Variants in DIAPH2 observed in about 807,000 individuals in gnomAD.
DIAPH2 encodes the protein diaphanous related formin 2.
A neutral mutation model predicts 92.7 loss-of-function variants in DIAPH2; 35 were observed. That is an observed-to-expected ratio of 0.38 (90% CI 0.29 to 0.50). The LOEUF is 0.50. DIAPH2 is among the 20% of genes least tolerant of loss of function. The pLI is 0.94. For synonymous variants in DIAPH2, 301 were observed against 280.4 expected, an observed-to-expected ratio of 1.07 and a Z score of -0.73; for missense variants, 701 against 819.5, an observed-to-expected ratio of 0.86 and a Z score of 1.77.
chrX:97,346,553 G>T (rs1212298405), intron 23 of DIAPH2, among the ~76,000 whole-genome samples: 2 of 111,774 alleles, frequency 1.8e-5, no homozygotes, highest in Non-Finnish European at 3.8e-5. Flanking sequence ...TTAACAAGAG[G>T]AAAACTTATG....
At chrX:97,328,605 C>T (rs1000858193) in intron 23 of DIAPH2, among the ~76,000 whole-genome samples, 12 of 111,290 alleles carry the variant, frequency 1.1e-4, no homozygotes, top group Admixed American at 2.9e-4. Context: ...AGCTGAAATT[C>T]CTAAATCAGT....
At position 96,912,415 on chromosome X, in the gene DIAPH2, A is replaced by C. The variant is rs1305285452; in HGVS notation, c.662+13A>C. On this transcript the variant is annotated intron_variant, in intron 6 of 26. Coordinates refer to ENST00000324765, the MANE Select transcript of DIAPH2 (RefSeq NM_006729.5). ...TGGACAAAAAACAGTAAGAATAAAC[A>C]CTGAAATTAAAATCACCAAAGGGAA... 6 of 1,200,970 alleles carry C rather than the reference A, an allele frequency of 5.0e-6. No homozygotes were observed. The East Asian group carries it at 1.5e-4, about 30-fold the overall frequency.
At chrX:97,440,540 C>T (rs1246309852) in intron 26 of DIAPH2, among the ~76,000 whole-genome samples, 4 of 101,035 alleles carry the variant, frequency 4.0e-5, no homozygotes, top group Non-Finnish European at 5.9e-5. Flanking sequence ...TGCAGTGAGC[C>T]GAGATTGCAC....
chrX:97,028,787 A>T (rs1037077198), intron 17 of DIAPH2, among the ~76,000 whole-genome samples: 5 of 111,762 alleles, frequency 4.5e-5, no homozygotes, highest in African/African-American at 1.6e-4. Flanking sequence ...ACTTGTTTGA[A>T]TGTGTCTTTT....
intron 23 of DIAPH2, among the ~76,000 whole-genome samples, chrX:97,334,335 C>CGCCTGT (rs1323870800): frequency 9.2e-6 from 1 of 109,119 alleles, no homozygotes; most frequent in East Asian, 2.9e-4. Context: ...TGGTGGCGGG[C>CGCCTGT]GCCTGTAGTC....
chrX:97,398,221 T>C (rs1374648566), intron 25 of DIAPH2, among the ~76,000 whole-genome samples: 2 of 112,205 alleles, frequency 1.8e-5, no homozygotes, highest in Non-Finnish European at 3.8e-5. Context: ...ATTATGTTGT[T>C]AGGTCTTGTT....
intron 5 of DIAPH2, chrX:96,885,270 C>A (rs1312579557): frequency 2.3e-6 from 1 of 444,077 alleles, no homozygotes; most frequent in Non-Finnish European, 3.9e-6. Context: ...GTATTTGAAG[C>A]TCAGAGAGAG....
At chrX:96,801,586 A>G (rs751271516) in intron 4 of DIAPH2, among the ~76,000 whole-genome samples, 111 of 111,666 alleles carry the variant, frequency 9.9e-4, no homozygotes, top group African/African-American at 3.5e-3. Flanking sequence ...CTGTCTCACA[A>G]AACTTAGAGA....
At chrX:96,859,584 A>G (rs2065059997) in intron 4 of DIAPH2, among the ~76,000 whole-genome samples, 1 of 108,315 alleles carries the variant, frequency 9.2e-6, no homozygotes, top group Admixed American at 1.0e-4. Context: ...ATAAGTGGGA[A>G]TAGAAAGAAA....
At chrX:96,775,621 C>T (rs1487318000) in intron 4 of DIAPH2, among the ~76,000 whole-genome samples, 1 of 110,510 alleles carries the variant, frequency 9.0e-6, no homozygotes, top group Non-Finnish European at 1.9e-5. Context: ...TAATCATACC[C>T]GTAGGAAAAC....
intron 4 of DIAPH2, among the ~76,000 whole-genome samples, chrX:96,879,422 T>G (rs1373091767): frequency 9.0e-6 from 1 of 110,905 alleles, no homozygotes; most frequent in Non-Finnish European, 1.9e-5. Flanking sequence ...ACTTTGAGGA[T>G]TATATGAAAG....
intron 23 of DIAPH2, among the ~76,000 whole-genome samples, chrX:97,287,358 A>G (rs910905084): frequency 9.0e-6 from 1 of 111,192 alleles, no homozygotes; most frequent in African/African-American, 3.3e-5. Flanking sequence ...AATCTGTCTT[A>G]TACACACTTT....
At chrX:96,952,660 G>A (rs1908256) in intron 15 of DIAPH2, among the ~76,000 whole-genome samples, 46,173 of 109,413 alleles carry the variant, frequency 0.42, 7,689 homozygotes, top group East Asian at 0.68. Context: ...GCTTGAAACC[G>A]GAAAGCAGAG....
intron 23 of DIAPH2, among the ~76,000 whole-genome samples, chrX:97,293,997 T>G (rs2068621900): frequency 8.9e-6 from 1 of 112,455 alleles, no homozygotes; most frequent in African/African-American, 3.2e-5. Context: ...CTTCTATGTA[T>G]AGGGGAGATC....
At chrX:97,352,485 T>C (rs1488759764) in intron 24 of DIAPH2, among the ~76,000 whole-genome samples, 2 of 110,549 alleles carry the variant, frequency 1.8e-5, no homozygotes, top group Non-Finnish European at 3.8e-5. Context: ...GTACAATATA[T>C]TGGTATCAAG....
chrX:97,127,252 G>A, intron 21 of DIAPH2, among the ~76,000 whole-genome samples: 1 of 111,724 alleles, frequency 9.0e-6, no homozygotes, highest in Non-Finnish European at 1.9e-5. Context: ...CAGTATGAGG[G>A]ATCACTCCAG....
Position 97,369,882 on chromosome X carries a change from T to G in DIAPH2, c.3010-14027T>G, listed in dbSNP as rs745947404. On this transcript the variant is annotated intron_variant, in intron 24 of 26. Transcript: ENST00000324765. The stretch of plus-strand genomic sequence containing the variant: ...TCTCTCTGTTCACTAGGATTTTTAT[T>G]CCCTCCCATGTGACAGTCATTCTCA... Among the ~76,000 whole-genome samples the G allele has an allele frequency of 4.6e-4, 51 of 111,823 alleles. 1 individual carries two copies. Among genetic ancestry groups the G allele is most frequent in the Non-Finnish European group, 7.5e-5 (4 of 53,167 alleles).
At chrX:97,320,252 A>G (rs1309009091) in intron 23 of DIAPH2, among the ~76,000 whole-genome samples, 1 of 110,112 alleles carries the variant, frequency 9.1e-6, no homozygotes, top group African/African-American at 3.3e-5. Flanking sequence ...TTTGTGAAAC[A>G]TTCACAACAT....
chrX:96,995,772 G>A (rs897900033), intron 17 of DIAPH2, among the ~76,000 whole-genome samples: 1 of 107,828 alleles, frequency 9.3e-6, no homozygotes, highest in Non-Finnish European at 1.9e-5. Context: ...AGTGGCTGTA[G>A]GCTACTGTCT....
Sources: gnomAD v4.1 joint callset for allele counts (sites outside exome capture counted in the v4.1 genomes callset) on GRCh38, gnomAD v4.1.1 for gene constraint, MANE v1.5 for transcripts, NCBI Gene and HGNC (gene_info 2026-07-23, HGNC 2026-07-21) for gene names.